ENTREP1: variants seen among roughly 807,000 people sequenced by gnomAD.
ENTREP1 encodes the protein endosomal transmembrane epsin interactor 1.
chr9:69,372,189 G>A, the ENTREP1 span, among the ~76,000 whole-genome samples: 50,576 of 152,002 alleles, frequency 0.33, 9,866 homozygotes, highest in Non-Finnish European at 0.41. Flanking sequence ...AAATTTTATT[G>A]TGGTAAAATA....
chr9:69,360,298 G>A, the ENTREP1 span, among the ~76,000 whole-genome samples: 1 of 152,150 alleles, frequency 6.6e-6, no homozygotes, highest in African/African-American at 2.4e-5. Context: ...AATTTCCAAA[G>A]GCAATCAGTC....
chr9:69,387,722 AAGTCTTGTCTCTCTTCAGCCCCT>A, the ENTREP1 span: 1 of 377,906 alleles, frequency 2.6e-6, no homozygotes, highest in Non-Finnish European at 5.0e-6. Context: ...TTCATCTGAC[AAGTCTTGTCTCTCTTCAGCCCCT>A]TCCTCTCTTA....
the ENTREP1 span, among the ~76,000 whole-genome samples, chr9:69,370,795 TCTTTTATATTTG>T: frequency 0.1 from 15,291 of 152,150 alleles, 770 homozygotes; most frequent in African/African-American, 0.11. Flanking sequence ...TTGCCTCTAA[TCTTTTATATTTG>T]CTTTTATATT....
chr9:69,373,218 C>T, the ENTREP1 span, among the ~76,000 whole-genome samples: 1 of 152,092 alleles, frequency 6.6e-6, no homozygotes, highest in African/African-American at 2.4e-5. Context: ...AACAATTTGG[C>T]CATGTGTTAA....
the ENTREP1 span, chr9:69,325,503 G>A: frequency 1.0e-6 from 1 of 958,180 alleles, no homozygotes; most frequent in Non-Finnish European, 1.2e-6. Context: ...GCTGCTGCCG[G>A]GGTGCTGGCC....
At chr9:69,330,352 T>C in the ENTREP1 span, among the ~76,000 whole-genome samples, 1 of 152,184 alleles carries the variant, frequency 6.6e-6, no homozygotes, top group Non-Finnish European at 1.5e-5. Flanking sequence ...TGGTAGAGAA[T>C]TGGTTGTTGT....
the ENTREP1 span, among the ~76,000 whole-genome samples, chr9:69,340,683 A>G: frequency 2.4e-3 from 66 of 27,146 alleles, 3 homozygotes; most frequent in African/African-American, 8.0e-3. Context: ...GTGTGCATGC[A>G]TGTGTGTGTG....
the ENTREP1 span, among the ~76,000 whole-genome samples, chr9:69,366,385 G>GTTTTTTT: frequency 2.1e-5 from 3 of 139,572 alleles, no homozygotes; most frequent in African/African-American, 8.0e-5. Flanking sequence ...TCCAACTGGG[G>GTTTTTTT]TTTTTTTTTT....
the ENTREP1 span, among the ~76,000 whole-genome samples, chr9:69,337,226 G>A: frequency 6.6e-6 from 1 of 151,472 alleles, no homozygotes; most frequent in Non-Finnish European, 1.5e-5. Context: ...TGTTGGCCAG[G>A]CTAGTCCCAA....
the ENTREP1 span, among the ~76,000 whole-genome samples, chr9:69,361,420 A>G: frequency 1.3e-5 from 2 of 152,090 alleles, no homozygotes. Flanking sequence ...CTTTCAGTTA[A>G]TATAAGGTTT....
the ENTREP1 span, among the ~76,000 whole-genome samples, chr9:69,343,042 A>C: frequency 1.8e-4 from 27 of 152,362 alleles, 1 homozygote; most frequent in Admixed American, 3.9e-4. Context: ...TGCTTTAATT[A>C]GTGGGTTTAG....
the ENTREP1 span, among the ~76,000 whole-genome samples, chr9:69,353,762 T>C: frequency 5.9e-5 from 9 of 152,238 alleles, no homozygotes; most frequent in Non-Finnish European, 7.3e-5. Context: ...ATTTAATTAG[T>C]CTGTCTCTTT....
chr9:69,353,792 T>C, the ENTREP1 span, among the ~76,000 whole-genome samples: 1 of 152,342 alleles, frequency 6.6e-6, no homozygotes, highest in African/African-American at 2.4e-5. Flanking sequence ...TGTTCTAGAA[T>C]ACTCTTCTTC....
chr9:69,385,775 TTTTTTTTTTTTTA>T, the ENTREP1 span: 52 of 1,351,694 alleles, frequency 3.8e-5, no homozygotes, highest in Non-Finnish European at 4.7e-5. Context: ...TTTTTTTTTT[TTTTTTTTTTTTTA>T]AATCAGATGG....
the ENTREP1 span, chr9:69,382,998 G>C: frequency 1.0e-6 from 1 of 983,164 alleles, no homozygotes; most frequent in Admixed American, 6.1e-5. Flanking sequence ...ACCTTGGGCA[G>C]AGATTTGTGG....
the ENTREP1 span, among the ~76,000 whole-genome samples, chr9:69,359,126 G>A: frequency 1.3e-5 from 2 of 151,916 alleles, no homozygotes; most frequent in Non-Finnish European, 2.9e-5. Flanking sequence ...GGCTGGTCTC[G>A]ATCTCCTGAC....
the ENTREP1 span, chr9:69,324,937 T>C: frequency 1.0e-6 from 1 of 984,836 alleles, no homozygotes; most frequent in Non-Finnish European, 1.2e-6. Flanking sequence ...CTCGAGGGAC[T>C]TACTTAAATA....
the ENTREP1 span, among the ~76,000 whole-genome samples, chr9:69,371,877 A>G: frequency 6.6e-6 from 1 of 152,228 alleles, no homozygotes; most frequent in African/African-American, 2.4e-5. Context: ...GATGGATCAG[A>G]TGTCCACAAT....
chr9:69,363,177 C>G, the ENTREP1 span, among the ~76,000 whole-genome samples: 1 of 152,088 alleles, frequency 6.6e-6, no homozygotes, highest in Admixed American at 6.6e-5. Context: ...TTTTGGCGCC[C>G]ACTGTCTCTC....
Sources: allele counts gnomAD v4.1 joint callset (sites outside exome capture counted in the v4.1 genomes callset), GRCh38; gene constraint gnomAD v4.1.1; transcripts MANE v1.5; gene names NCBI Gene and HGNC (gene_info 2026-07-23, HGNC 2026-07-21).